EPS15: variants seen among roughly 807,000 people sequenced by gnomAD.
The protein encoded by EPS15 is epidermal growth factor receptor substrate 15.
In EPS15, 72 loss-of-function variants were observed where a neutral mutation model predicts 113.8. The observed-to-expected ratio is 0.63, with a 90% CI of 0.52 to 0.77. EPS15 has a LOEUF of 0.77. Ranked by LOEUF, EPS15 falls within the 30% of genes least tolerant of loss-of-function variation. The pLI is 0.00. For missense variants in EPS15, 1,048 were observed against 1,045.8 expected, an observed-to-expected ratio of 1.00 and a Z score of -0.03; for synonymous variants, 344 against 363.4, an observed-to-expected ratio of 0.95 and a Z score of 0.61.
At chr1:51,501,323 GC>G (rs1218351922) in intron 1 of EPS15, among the ~76,000 whole-genome samples, 1 of 149,092 alleles carries the variant, frequency 6.7e-6, no homozygotes, top group Non-Finnish European at 1.5e-5. Context: ...AAGGAGAATT[GC>G]TTGAACCCGG....
At chr1:51,471,833 T>C in intron 3 of EPS15, 96 bp from the exon 4 acceptor site, 3 of 884,544 alleles carry the variant, frequency 3.4e-6, no homozygotes, top group Middle Eastern at 3.0e-4. Flanking sequence ...TCAGGCTCTC[T>C]GGTAATCAGA....
chr1:51,474,825 TC>T (rs1281660585), intron 2 of EPS15, among the ~76,000 whole-genome samples: 3 of 78,010 alleles, frequency 3.8e-5, no homozygotes, highest in Admixed American at 3.2e-4. Flanking sequence ...ATGCTATCCC[TC>T]CCCCCTCCCC....
At chr1:51,369,120 T>C (rs1412918159) in intron 21 of EPS15, among the ~76,000 whole-genome samples, 1 of 152,236 alleles carries the variant, frequency 6.6e-6, no homozygotes, top group South Asian at 2.1e-4. Flanking sequence ...GAAGCATATA[T>C]TGTGAACAAA....
At chr1:51,455,059 G>A (rs892399580) in intron 8 of EPS15, among the ~76,000 whole-genome samples, 1 of 152,008 alleles carries the variant, frequency 6.6e-6, no homozygotes, top group Non-Finnish European at 1.5e-5. Flanking sequence ...CAAAAATCAT[G>A]AGCATAGGCT....
At position 51,440,347 on chromosome 1, in the gene EPS15, C is replaced by A; in HGVS notation, c.1040G>T (p.Arg347Met). The change falls in exon 12 of 25, where the codon AGG becomes ATG. Residue 347 changes from arginine (R) to methionine (M), a missense_variant and splice_region_variant. Arg to Met is a moderately conservative substitution (Grantham distance 91). Transcript: ENST00000371733. ...TLNNEIVDLQ[R>M]EKNNVEQDLK... ...TAGGCTGTAATTTTGCTTTACATACCTCTGTAGGTCAACTATTTCATTGTT... is the reference window on the plus strand; with the variant it reads ...TAGGCTGTAATTTTGCTTTACATACATCTGTAGGTCAACTATTTCATTGTT... 1 of 1,506,148 alleles carries A rather than the reference C, an allele frequency of 6.6e-7. No homozygotes were observed. The highest frequency in any genetic ancestry group is 9.1e-7 in the Non-Finnish European group (1 of 1,094,570). 93.3% of individuals were successfully genotyped at this position (1,506,148 alleles called of 1,614,324 possible).
chr1:51,400,305 T>C (rs72694187), intron 19 of EPS15, among the ~76,000 whole-genome samples: 2,936 of 152,322 alleles, frequency 0.019, 47 homozygotes, highest in Non-Finnish European at 0.031. Flanking sequence ...TGAAGCAGTA[T>C]AGATCATTAT....
intron 11 of EPS15, among the ~76,000 whole-genome samples, chr1:51,442,041 T>C (rs1323597525): frequency 6.6e-6 from 1 of 152,182 alleles, no homozygotes; most frequent in Non-Finnish European, 1.5e-5. Flanking sequence ...GGTTTAATAC[T>C]AATCTCAATT....
chr1:51,488,555 C>G (rs775714167), intron 1 of EPS15, among the ~76,000 whole-genome samples: 12 of 149,126 alleles, frequency 8.0e-5, no homozygotes, highest in Non-Finnish European at 1.6e-4. Context: ...TAGGTATGAT[C>G]TTTAGTAGCT....
chr1:51,479,651 C>A (rs1643983888), intron 2 of EPS15, among the ~76,000 whole-genome samples: 1 of 152,172 alleles, frequency 6.6e-6, no homozygotes, highest in Non-Finnish European at 1.5e-5. Context: ...TGTTTTTACT[C>A]TTTATAGCAA....
intron 2 of EPS15, among the ~76,000 whole-genome samples, chr1:51,479,673 C>T (rs1295095628): frequency 1.3e-5 from 2 of 152,218 alleles, no homozygotes; most frequent in African/African-American, 2.4e-5. Context: ...ATAGTTATTA[C>T]ATGGGTTCAA....
chr1:51,446,579 G>A lies in EPS15; in HGVS notation c.797+381C>T, dbSNP rs191540725. 1.5e-4 allele frequency among the ~76,000 whole-genome samples: 23 copies of A among 150,360 alleles called. No individual in the cohort carries two copies. In the East Asian group the frequency reaches 2.8e-3, roughly 18 times the overall value. ...AGCAATTCTCCTGCCTCACCCTCCC[G>A]AGTAGCTGGAACTACAGGCGCACAC... On this transcript the variant is annotated intron_variant, in intron 10 of 24. Coordinates refer to ENST00000371733, the MANE Select transcript of EPS15 (RefSeq NM_001981.3).
intron 24 of EPS15, among the ~76,000 whole-genome samples, chr1:51,357,376 G>GAAAAAAAA (rs56655497): frequency 9.1e-5 from 3 of 33,120 alleles, no homozygotes; most frequent in African/African-American, 3.9e-4. Flanking sequence ...GATTCCATCT[G>GAAAAAAAA]AAAAAAAAAA....
chr1:51,459,450 T>C (rs554812535), intron 8 of EPS15, among the ~76,000 whole-genome samples: 28 of 152,016 alleles, frequency 1.8e-4, no homozygotes, highest in African/African-American at 6.8e-4. Flanking sequence ...GAGCCAAGAT[T>C]GCGCCACTGC....
chr1:51,373,966 T>C (rs1646724452), intron 21 of EPS15, among the ~76,000 whole-genome samples: 1 of 152,048 alleles, frequency 6.6e-6, no homozygotes, highest in Admixed American at 6.6e-5. Flanking sequence ...AAAAATTAAG[T>C]GAACTTGAAG....
chr1:51,396,694 G>C (rs973071569), intron 20 of EPS15, among the ~76,000 whole-genome samples: 1 of 152,126 alleles, frequency 6.6e-6, no homozygotes, highest in African/African-American at 2.4e-5. Context: ...CAGGATAGCA[G>C]GGGGAACAGG....
intron 12 of EPS15, among the ~76,000 whole-genome samples, chr1:51,428,074 T>C (rs1253133287): frequency 1.3e-5 from 2 of 151,828 alleles, no homozygotes; most frequent in African/African-American, 2.4e-5. Context: ...CAGAAGGCAA[T>C]GAAATGATAT....
At chr1:51,517,999 G>A (rs370172854) in intron 1 of EPS15, among the ~76,000 whole-genome samples, 4 of 152,104 alleles carry the variant, frequency 2.6e-5, no homozygotes, top group African/African-American at 9.7e-5. Context: ...TAGAAGCACC[G>A]ACGAATCTAG....
At position 51,461,086 on chromosome 1, in the gene EPS15, CT is replaced by C; in HGVS notation, c.561+4del. 6.4e-7 allele frequency: 1 copy of C among 1,573,684 alleles called. No homozygotes were observed. Among genetic ancestry groups the C allele is most frequent in the Non-Finnish European group, 8.7e-7 (1 of 1,143,272 alleles). On this transcript the variant is annotated splice_donor_region_variant and intron_variant, in intron 8 of 24. Coordinates refer to ENST00000371733, the MANE Select transcript of EPS15 (RefSeq NM_001981.3). ...TGAAGATGTTAAGAACATTAGATTA[CT>C]TACAACTGCAAACTCATCTCTGTCA...
Position 51,507,722 on chromosome 1 carries a change from A to G in EPS15, c.33+11477T>C, listed in dbSNP as rs867387418. Among the ~76,000 whole-genome samples, 10 of 151,846 alleles carry G rather than the reference A, an allele frequency of 6.6e-5. No homozygotes were observed. In the South Asian group the frequency reaches 2.1e-3, roughly 32 times the overall value. ...CATACATATATATACACACATATAT[A>G]TGTGTGTGTGTGTATGAAAGAGAGA... On this transcript the variant is annotated intron_variant, in intron 1 of 24. Transcript: ENST00000371733.
Sources: allele counts gnomAD v4.1 joint callset (sites outside exome capture counted in the v4.1 genomes callset), GRCh38; gene constraint gnomAD v4.1.1; transcripts MANE v1.5; gene names NCBI Gene and HGNC (gene_info 2026-07-23, HGNC 2026-07-21).